CRISPLD1: variants seen among roughly 807,000 people sequenced by gnomAD.
CRISPLD1 encodes cysteine-rich secretory protein LCCL domain-containing 1.
Under a neutral mutation model 77.5 loss-of-function variants are expected in CRISPLD1, and 60 were observed. That is an observed-to-expected ratio of 0.77 (90% confidence interval 0.63 to 0.96). The LOEUF (loss-of-function observed/expected upper bound fraction) is 0.96, where lower values mean the gene tolerates loss of function less well. CRISPLD1 is among the 40% of genes least tolerant of loss of function. The pLI is 0.00. For synonymous variants in CRISPLD1, 195 were observed against 200.1 expected, an observed-to-expected ratio of 0.97 and a Z score of 0.22; for missense variants, 623 against 615.8, an observed-to-expected ratio of 1.01 and a Z score of -0.12.
chr8:74,989,813 G>A (rs1224733270), intron 2 of CRISPLD1, among the ~76,000 whole-genome samples: 1 of 152,082 alleles, frequency 6.6e-6, no homozygotes, highest in Non-Finnish European at 1.5e-5. Flanking sequence ...TAAATTCTTT[G>A]CCTGGGCCAG....
chr8:74,991,396 G>T (rs554175206), intron 2 of CRISPLD1, among the ~76,000 whole-genome samples: 1 of 152,270 alleles, frequency 6.6e-6, no homozygotes, highest in Non-Finnish European at 1.5e-5. Context: ...TTGCACAAAA[G>T]TTCTGTTGAC....
chr8:75,014,224 T>C (rs1812987699), intron 5 of CRISPLD1, 122 bp downstream of exon 5: 2 of 662,136 alleles, frequency 3.0e-6, no homozygotes, highest in Admixed American at 5.9e-5. Context: ...TTTAATTCTG[T>C]TTATTTAATA....
intron 2 of CRISPLD1, among the ~76,000 whole-genome samples, chr8:74,987,986 C>T (rs1587002540): frequency 6.6e-6 from 1 of 152,176 alleles, no homozygotes; most frequent in Non-Finnish European, 1.5e-5. Context: ...TTTAGTTTCA[C>T]TGGTTTCAGT....
At chr8:75,008,133 T>C (rs1287592334) in intron 2 of CRISPLD1, among the ~76,000 whole-genome samples, 1 of 152,174 alleles carries the variant, frequency 6.6e-6, no homozygotes, top group African/African-American at 2.4e-5. Flanking sequence ...GTAATAAAAC[T>C]TCATTGAAGG....
At chr8:75,003,633 C>G (rs1004602048) in intron 2 of CRISPLD1, among the ~76,000 whole-genome samples, 1 of 151,946 alleles carries the variant, frequency 6.6e-6, no homozygotes, top group African/African-American at 2.4e-5. Context: ...GGCCTAATGT[C>G]TATAGATCAA....
intron 1 of CRISPLD1, 130 bp from the exon 2 acceptor site, chr8:74,985,796 G>A (rs112057901): frequency 3.0e-5 from 20 of 657,322 alleles, no homozygotes; most frequent in Non-Finnish European, 4.7e-5. Context: ...AAATGTGAGT[G>A]TCCATTTTCT....
chr8:75,014,223 GT>G, intron 5 of CRISPLD1, 121 bp downstream of exon 5: 2 of 658,940 alleles, frequency 3.0e-6, no homozygotes. Context: ...TTTTAATTCT[GT>G]TTATTTAATA....
chr8:75,019,620 T>G (rs138201859), intron 10 of CRISPLD1, among the ~76,000 whole-genome samples: 1 of 152,084 alleles, frequency 6.6e-6, no homozygotes, highest in East Asian at 1.9e-4. Flanking sequence ...AGTTCTATGC[T>G]ATTATCTATA....
In CRISPLD1 at chr8:75,013,994, G is replaced by A. The variant is rs557786841; in HGVS notation, c.518G>A (p.Trp173Ter). Reference protein sequence around the residue: ...PVCTHYTQVVWATSNRIGCAI... With the variant: ...PVCTHYTQVV ...TTCATTTTTCTAACATAGGTCGTGT[G>A]GGCAACTAGTAACAGAATCGGTTGT... is the stretch of plus-strand genomic sequence containing the variant. Residue 173 changes from tryptophan (W) to a stop codon, truncating the protein, a stop_gained, in exon 5 of 15, where the codon TGG (tryptophan) becomes TAG (stop). Transcript: ENST00000262207. LOFTEE classifies it high-confidence loss of function. 1 of 1,610,996 alleles carries A rather than the reference G, an allele frequency of 6.2e-7. No homozygotes were observed. The highest frequency in any genetic ancestry group is 1.7e-5 in the Admixed American group (1 of 59,868).
Position 75,016,921 on chromosome 8 carries a change from C to T in CRISPLD1, c.909C>T (p.Cys303=). The part of the protein sequence containing the change: ...VSCEVRLRDQ[C]KGTTCNRYEC... Reference sequence around the variant, plus strand: ...GTGAAGTAAGATTAAGAGATCAGTGCAAAGGAACAACCTGCAATAGGTAAT... The same window carrying T: ...GTGAAGTAAGATTAAGAGATCAGTGTAAAGGAACAACCTGCAATAGGTAAT... Residue 303 remains cysteine (C), a synonymous_variant, in exon 8 of 15, where the codon TGC becomes TGT. Coordinates refer to ENST00000262207, the MANE Select transcript of CRISPLD1 (RefSeq NM_031461.6). 1 of 1,568,546 alleles carries T rather than the reference C, an allele frequency of 6.4e-7. No individual in the cohort carries two copies. The highest frequency in any genetic ancestry group is 8.7e-7 in the Non-Finnish European group (1 of 1,154,926).
intron 2 of CRISPLD1, among the ~76,000 whole-genome samples, chr8:74,988,669 A>G (rs889042794): frequency 6.6e-6 from 1 of 152,078 alleles, no homozygotes; most frequent in Non-Finnish European, 1.5e-5. Context: ...CCCCGTCTCT[A>G]CTAAAAATAC....
chr8:75,008,019 A>G (rs1259054055), intron 2 of CRISPLD1, among the ~76,000 whole-genome samples: 2 of 152,144 alleles, frequency 1.3e-5, no homozygotes, highest in Non-Finnish European at 1.5e-5. Context: ...AAAGTTTAAA[A>G]TTTCTCATAC....
At chr8:75,024,988 A>G (rs970507140) in intron 12 of CRISPLD1, among the ~76,000 whole-genome samples, 1 of 152,214 alleles carries the variant, frequency 6.6e-6, no homozygotes, top group African/African-American at 2.4e-5. Flanking sequence ...TTGGTTTCAT[A>G]CATGGTAAGT....
chr8:74,991,661 G>A (rs1376335094), intron 2 of CRISPLD1, among the ~76,000 whole-genome samples: 1 of 152,170 alleles, frequency 6.6e-6, no homozygotes, highest in African/African-American at 2.4e-5. Context: ...CTCCTGAGTA[G>A]CTGAAATGGT....
chr8:75,001,067 C>G (rs7000663), intron 2 of CRISPLD1, among the ~76,000 whole-genome samples: 18,721 of 151,728 alleles, frequency 0.12, 1,698 homozygotes, highest in African/African-American at 0.25. Flanking sequence ...TCCTGAAGTA[C>G]TCTATTGAAA....
In CRISPLD1 at chr8:75,025,505, C is replaced by A. The variant is rs753717502; in HGVS notation, c.1245-41C>A. The A allele has an allele frequency of 9.9e-6, 8 of 808,282 alleles. No individual in the cohort carries two copies. The South Asian group carries it at 2.2e-4, about 23-fold the overall frequency. The allele number at this position is 808,282 out of a possible 1,614,324, so 50.1% of individuals were successfully genotyped here. ...TTACTAATAAGAAAGACTTAAGTAACCAGCTTACTTAATATATATATAATA... is the reference window on the plus strand; with the variant it reads ...TTACTAATAAGAAAGACTTAAGTAAACAGCTTACTTAATATATATATAATA... On this transcript the variant is annotated intron_variant, in intron 12 of 14. Coordinates refer to ENST00000262207, the MANE Select transcript of CRISPLD1 (RefSeq NM_031461.6).
At chr8:75,011,040 T>A (rs973527213) in intron 2 of CRISPLD1, among the ~76,000 whole-genome samples, 2 of 151,990 alleles carry the variant, frequency 1.3e-5, no homozygotes, top group Non-Finnish European at 2.9e-5. Flanking sequence ...AGTAGTATCA[T>A]CGGTCTTACC....
intron 1 of CRISPLD1, among the ~76,000 whole-genome samples, chr8:74,985,506 C>T (rs959852245): frequency 6.6e-6 from 1 of 152,170 alleles, no homozygotes; most frequent in African/African-American, 2.4e-5. Flanking sequence ...ATAAAATATT[C>T]ACACCTTAAA....
At chr8:75,031,366 G>A (rs1406797730) in intron 14 of CRISPLD1, among the ~76,000 whole-genome samples, 2 of 151,910 alleles carry the variant, frequency 1.3e-5, no homozygotes, top group Non-Finnish European at 1.5e-5. Context: ...TTATGTAAAA[G>A]CTTCAAAAGC....
Sources: gnomAD v4.1 joint callset for allele counts (sites outside exome capture counted in the v4.1 genomes callset) on GRCh38, gnomAD v4.1.1 for gene constraint, MANE v1.5 for transcripts, NCBI Gene and HGNC (gene_info 2026-07-23, HGNC 2026-07-21) for gene names.